Variants in ZDHHC15 observed in about 807,000 individuals in gnomAD.
ZDHHC15 encodes zDHHC palmitoyltransferase 15, also known as palmitoyltransferase ZDHHC15.
In ZDHHC15, 19 loss-of-function variants were observed where a neutral mutation model predicts 31.7. That is an observed-to-expected ratio of 0.60 (90% CI 0.42 to 0.88). The LOEUF is 0.88. Ranked by LOEUF, ZDHHC15 falls within the 40% of genes least tolerant of loss-of-function variation. The probability of loss-of-function intolerance (pLI) is 0.00; values close to 1 mark genes in which losing one functional copy is unlikely to be tolerated. For missense variants in ZDHHC15, 209 were observed against 251.2 expected, an observed-to-expected ratio of 0.83 and a Z score of 1.14; for synonymous variants, 103 against 90.0, an observed-to-expected ratio of 1.14 and a Z score of -0.82.
chrX:75,431,579 TC>T, intron 4 of ZDHHC15, 59 bp from the exon 5 acceptor site: 1 of 1,017,381 alleles, frequency 9.8e-7, no homozygotes, highest in Non-Finnish European at 1.3e-6. Flanking sequence ...AGACCTTATA[TC>T]TTACTAGCTT....
intron 10 of ZDHHC15, among the ~76,000 whole-genome samples, chrX:75,406,105 T>C (rs1328659958): frequency 9.0e-6 from 1 of 111,428 alleles, no homozygotes; most frequent in African/African-American, 3.3e-5. Context: ...CCTGGGCCAA[T>C]GAGTCAATGA....
chrX:75,411,890 T>C (rs1253518563), intron 10 of ZDHHC15, among the ~76,000 whole-genome samples: 3 of 112,049 alleles, frequency 2.7e-5, no homozygotes, highest in Non-Finnish European at 5.6e-5. Context: ...AAGGGGTTCA[T>C]ATCCAAAATA....
At chrX:75,418,743 T>A (rs1377112450) in intron 9 of ZDHHC15, among the ~76,000 whole-genome samples, 1 of 112,072 alleles carries the variant, frequency 8.9e-6, no homozygotes, top group Non-Finnish European at 1.9e-5. Flanking sequence ...TTGGGAAAAC[T>A]GGCTAGCCAT....
intron 3 of ZDHHC15, among the ~76,000 whole-genome samples, chrX:75,456,757 C>T (rs1182575708): frequency 9.0e-6 from 1 of 111,002 alleles, no homozygotes; most frequent in East Asian, 2.8e-4. Flanking sequence ...CAACGCTGCT[C>T]TATGACAACG....
At chrX:75,382,052 G>T (rs1396470444) in intron 10 of ZDHHC15, among the ~76,000 whole-genome samples, 1 of 111,839 alleles carries the variant, frequency 8.9e-6, no homozygotes, top group African/African-American at 3.3e-5. Flanking sequence ...ATCACACATT[G>T]CTTAATGCAG....
chrX:75,447,701 T>G (rs1266062113), intron 4 of ZDHHC15, among the ~76,000 whole-genome samples: 1 of 111,071 alleles, frequency 9.0e-6, no homozygotes, highest in Non-Finnish European at 1.9e-5. Flanking sequence ...ACCATTACCC[T>G]AAGTGACCCA....
At chrX:75,442,791 C>A (rs969222382) in intron 4 of ZDHHC15, among the ~76,000 whole-genome samples, 2 of 108,145 alleles carry the variant, frequency 1.8e-5, no homozygotes, top group Admixed American at 9.8e-5. Context: ...TCGAGACCAT[C>A]CTGGCTAACA....
chrX:75,432,320 T>C (rs764869525), intron 4 of ZDHHC15, among the ~76,000 whole-genome samples: 9 of 111,627 alleles, frequency 8.1e-5, no homozygotes, highest in Non-Finnish European at 1.5e-4. Flanking sequence ...TTATTAAGTA[T>C]AAAAACTAAA....
intron 5 of ZDHHC15, 41 bp downstream of exon 5, chrX:75,431,410 G>A: frequency 8.5e-7 from 1 of 1,171,333 alleles, no homozygotes. Context: ...GAAACCTTCA[G>A]TGGCCAAGCC....
At chrX:75,445,396 C>T (rs1024497591) in intron 4 of ZDHHC15, among the ~76,000 whole-genome samples, 4 of 111,642 alleles carry the variant, frequency 3.6e-5, no homozygotes, top group Non-Finnish European at 7.5e-5. Context: ...CTTAGTCAAC[C>T]ATTTATGAGA....
Position 75,521,838 on chromosome X carries a change from GC to G in ZDHHC15, c.136+1050del, listed in dbSNP as rs780874512. ...AAGGAAGTGGATGGCAGAATGTGGG[GC>G]TAAAAGTGAAAGAACACTGTGGGAG... is the stretch of plus-strand genomic sequence containing the variant. On this transcript the variant is annotated intron_variant, in intron 1 of 11. Coordinates refer to ENST00000373367, the MANE Select transcript of ZDHHC15 (RefSeq NM_144969.3). Among the ~76,000 whole-genome samples, 4 of 111,656 alleles carry G rather than the reference GC, an allele frequency of 3.6e-5. No homozygotes were observed. The South Asian group carries it at 1.5e-3, about 42-fold the overall frequency.
chrX:75,517,525 C>G (rs769446855), intron 1 of ZDHHC15, among the ~76,000 whole-genome samples: 1,268 of 92,817 alleles, frequency 0.014, 40 homozygotes, highest in African/African-American at 0.051. Context: ...GTCATAGGTG[C>G]GAATTGAACA....
intron 1 of ZDHHC15, among the ~76,000 whole-genome samples, chrX:75,518,317 A>G (rs903072025): frequency 7.8e-4 from 87 of 111,527 alleles, no homozygotes; most frequent in African/African-American, 2.6e-3. Flanking sequence ...AAAATGGACA[A>G]TGGCTTGAAT....
At chrX:75,378,902 A>T (rs148355858) in intron 11 of ZDHHC15, among the ~76,000 whole-genome samples, 2 of 111,592 alleles carry the variant, frequency 1.8e-5, no homozygotes, top group Non-Finnish European at 3.8e-5. Context: ...CACAAGTGAC[A>T]TAAGTGTGAG....
intron 4 of ZDHHC15, among the ~76,000 whole-genome samples, chrX:75,439,887 T>C (rs1325562231): frequency 8.9e-6 from 1 of 111,808 alleles, no homozygotes; most frequent in Non-Finnish European, 1.9e-5. Context: ...TCCCCATTTT[T>C]CTAAGGATGG....
At chrX:75,384,649 C>T (rs1050901434) in intron 10 of ZDHHC15, 13 of 852,127 alleles carry the variant, frequency 1.5e-5, no homozygotes, top group South Asian at 2.1e-5. Context: ...CTCTAAGAGC[C>T]GAGATAGCTT....
At chrX:75,509,263 T>C (rs1373755592) in intron 1 of ZDHHC15, among the ~76,000 whole-genome samples, 1 of 111,902 alleles carries the variant, frequency 8.9e-6, no homozygotes, top group African/African-American at 3.2e-5. Context: ...ATTTTTGCCA[T>C]ATACTCATAT....
At chrX:75,493,783 C>G (rs774599905) in intron 2 of ZDHHC15, among the ~76,000 whole-genome samples, 103 of 111,647 alleles carry the variant, frequency 9.2e-4, no homozygotes, top group Non-Finnish European at 1.6e-3. Context: ...GGACGTATCT[C>G]AAAATAATAA....
intron 9 of ZDHHC15, among the ~76,000 whole-genome samples, chrX:75,419,128 C>T (rs2083587824): frequency 9.1e-6 from 1 of 110,025 alleles, no homozygotes; most frequent in Non-Finnish European, 1.9e-5. Context: ...ACAAACAACC[C>T]CATCAAAAGA....
Sources: allele counts gnomAD v4.1 joint callset (sites outside exome capture counted in the v4.1 genomes callset), GRCh38; gene constraint gnomAD v4.1.1; transcripts MANE v1.5; gene names NCBI Gene and HGNC (gene_info 2026-07-23, HGNC 2026-07-21).